HOPX: variants seen among roughly 807,000 people sequenced by gnomAD.
The protein encoded by HOPX is HOP homeobox.
In HOPX, 5 loss-of-function variants were observed where a neutral mutation model predicts 11.8. That is an observed-to-expected ratio of 0.43 (90% CI 0.22 to 0.89). The LOEUF (loss-of-function observed/expected upper bound fraction) is 0.89, where lower values mean the gene tolerates loss of function less well. HOPX is among the 40% of genes least tolerant of loss of function. HOPX has a pLI of 0.28. For synonymous variants in HOPX, 49 were observed against 49.7 expected, an observed-to-expected ratio of 0.99 and a Z score of 0.06; for missense variants, 119 against 120.0, an observed-to-expected ratio of 0.99 and a Z score of 0.04.
intron 3 of HOPX, among the ~76,000 whole-genome samples, chr4:56,654,782 A>T (rs1330349694): frequency 6.6e-6 from 1 of 152,200 alleles, no homozygotes; most frequent in Non-Finnish European, 1.5e-5. Flanking sequence ...TCAACTGAGC[A>T]TGGCTCATGG....
chr4:56,660,698 G>A (rs950748542), intron 1 of HOPX, among the ~76,000 whole-genome samples: 2 of 152,126 alleles, frequency 1.3e-5, no homozygotes, highest in Admixed American at 6.5e-5. Flanking sequence ...AGACTATTTA[G>A]AAGATTAGGG....
At chr4:56,661,390 G>C (rs957696931) in intron 1 of HOPX, among the ~76,000 whole-genome samples, 5 of 151,954 alleles carry the variant, frequency 3.3e-5, no homozygotes, top group African/African-American at 9.7e-5. Flanking sequence ...ATTTTTTTCT[G>C]TTTGAACATT....
intron 3 of HOPX, 57 bp from the exon 4 acceptor site, chr4:56,648,854 G>A: frequency 1.5e-6 from 2 of 1,351,022 alleles, no homozygotes; most frequent in Non-Finnish European, 2.1e-6. Context: ...TGAAATGCCT[G>A]TTCCCTTTCT....
intron 3 of HOPX, among the ~76,000 whole-genome samples, chr4:56,655,195 C>G (rs1195351715): frequency 1.5e-4 from 23 of 152,184 alleles, no homozygotes; most frequent in Admixed American, 1.5e-3. Flanking sequence ...CAGGAAAAAC[C>G]TCTAAACCTT....
intron 1 of HOPX, among the ~76,000 whole-genome samples, chr4:56,677,527 C>T (rs918748236): frequency 1.3e-5 from 2 of 151,712 alleles, no homozygotes; most frequent in East Asian, 3.8e-4. Flanking sequence ...TGTCTATTAA[C>T]ATCCTAATTT....
chr4:56,674,444 A>T (rs1310556933), intron 1 of HOPX, among the ~76,000 whole-genome samples: 1 of 151,676 alleles, frequency 6.6e-6, no homozygotes, highest in Non-Finnish European at 1.5e-5. Context: ...CTATCTAAGC[A>T]GATCTGTCAT....
At position 56,666,708 on chromosome 4, in the gene HOPX, G is replaced by A. The variant is rs754776992; in HGVS notation, c.-83-8809C>T. Among the ~76,000 whole-genome samples the A allele has an allele frequency of 2.4e-3, 373 of 152,290 alleles. 1 individual carries two copies. The highest frequency in any genetic ancestry group is 3.2e-3 in the Non-Finnish European group (221 of 68,002). ...CATAGAAATAAATGGGCAAACAGAAGAAAGCAATTCCATTTCCATAATTTC... is the reference window on the plus strand; with the variant it reads ...CATAGAAATAAATGGGCAAACAGAAAAAAGCAATTCCATTTCCATAATTTC... On this transcript the variant is annotated intron_variant, in intron 1 of 3. Transcript: ENST00000420433.
intron 3 of HOPX, chr4:56,651,024 A>G: frequency 2.2e-6 from 1 of 444,468 alleles, no homozygotes; most frequent in Non-Finnish European, 4.0e-6. Flanking sequence ...ATTTCCAGTT[A>G]CTACAGCTGA....
chr4:56,673,714 T>C (rs1250015624), intron 1 of HOPX, among the ~76,000 whole-genome samples: 2 of 152,172 alleles, frequency 1.3e-5, no homozygotes, highest in African/African-American at 4.8e-5. Context: ...TAGATCTGAT[T>C]TGAGTGTGTG....
intron 1 of HOPX, among the ~76,000 whole-genome samples, chr4:56,670,360 T>TG (rs1377294696): frequency 7.2e-5 from 11 of 152,258 alleles, no homozygotes; most frequent in African/African-American, 2.6e-4. Context: ...AATTCTGATA[T>TG]GGGAAAATGT....
At chr4:56,681,090 G>A in intron 1 of HOPX, 165 bp downstream of exon 1, 1 of 984,450 alleles carries the variant, frequency 1.0e-6, no homozygotes, top group Non-Finnish European at 1.2e-6. Context: ...ACACCCAGCA[G>A]CATTTCCTAG....
chr4:56,673,295 T>A (rs1718835081), intron 1 of HOPX, among the ~76,000 whole-genome samples: 1 of 149,880 alleles, frequency 6.7e-6, no homozygotes, highest in Non-Finnish European at 1.5e-5. Flanking sequence ...AGAGGGAGAG[T>A]GGGAGAGCAG....
intron 1 of HOPX, among the ~76,000 whole-genome samples, chr4:56,677,131 A>C (rs1229719839): frequency 6.6e-6 from 1 of 151,868 alleles, no homozygotes; most frequent in Non-Finnish European, 1.5e-5. Flanking sequence ...TCTCCATTAT[A>C]GTAACCTTAA....
intron 1 of HOPX, among the ~76,000 whole-genome samples, chr4:56,660,115 T>TC: frequency 6.6e-6 from 1 of 152,362 alleles, no homozygotes; most frequent in Middle Eastern, 3.4e-3. Flanking sequence ...TCCTTCCAGT[T>TC]CATCACACAC....
chr4:56,674,103 T>A (rs986399861), intron 1 of HOPX, among the ~76,000 whole-genome samples: 8 of 151,564 alleles, frequency 5.3e-5, no homozygotes, highest in African/African-American at 2.0e-4. Flanking sequence ...CCAGGTACAG[T>A]GTATTAATGA....
At chr4:56,667,256 T>C (rs533822983) in intron 1 of HOPX, among the ~76,000 whole-genome samples, 51 of 152,304 alleles carry the variant, frequency 3.3e-4, no homozygotes, top group African/African-American at 1.2e-3. Flanking sequence ...AACACTGATA[T>C]TTTCCCCCAA....
intron 3 of HOPX, among the ~76,000 whole-genome samples, chr4:56,654,599 C>T (rs1273079196): frequency 6.6e-6 from 1 of 152,200 alleles, no homozygotes; most frequent in Non-Finnish European, 1.5e-5. Flanking sequence ...ACAGCTGTTC[C>T]ATTTGCTAAA....
rs1253460478 is a variant in HOPX, at chr4:56,656,027, G to A, written c.43-15C>T. 6 of 1,557,092 alleles carry A rather than the reference G, an allele frequency of 3.9e-6. No homozygotes were observed. The highest frequency in any genetic ancestry group is 5.2e-6 in the Non-Finnish European group (6 of 1,151,082). ...GTCCCTGCGCGCTGCGGGGCAGGGA[G>A]AAGCGGCGGCGGTGAGCGAGGCGTG... On this transcript the variant is annotated splice_polypyrimidine_tract_variant and intron_variant, in intron 2 of 3. Transcript: ENST00000420433.
intron 1 of HOPX, among the ~76,000 whole-genome samples, chr4:56,660,161 A>G (rs1718026531): frequency 6.6e-6 from 1 of 152,236 alleles, no homozygotes; most frequent in Non-Finnish European, 1.5e-5. Context: ...AAAAGTCACA[A>G]TGGAAAAGAT....
Sources: allele counts gnomAD v4.1 joint callset (sites outside exome capture counted in the v4.1 genomes callset), GRCh38; gene constraint gnomAD v4.1.1; transcripts MANE v1.5; gene names NCBI Gene and HGNC (gene_info 2026-07-23, HGNC 2026-07-21).